Variants in TET1 observed in about 807,000 individuals in gnomAD.
The protein encoded by TET1 is tet methylcytosine dioxygenase 1.
Under a neutral mutation model 148.7 loss-of-function variants are expected in TET1, and 13 were observed. The ratio of observed to expected loss-of-function variants is 0.09; its 90% confidence interval spans 0.06 to 0.14. TET1 has a LOEUF of 0.14. TET1 is among the 10% of genes least tolerant of loss of function. The probability of loss-of-function intolerance (pLI) is 1.00; values close to 1 mark genes in which losing one functional copy is unlikely to be tolerated. For missense variants in TET1, 2,182 were observed against 2,553.8 expected, an observed-to-expected ratio of 0.85 and a Z score of 3.14; for synonymous variants, 907 against 937.2, an observed-to-expected ratio of 0.97 and a Z score of 0.59.
intron 3 of TET1, among the ~76,000 whole-genome samples, chr10:68,630,100 G>A (rs185517997): frequency 2.8e-4 from 43 of 152,254 alleles, no homozygotes; most frequent in African/African-American, 1.0e-3. Flanking sequence ...TTTGTTGAGT[G>A]AAGACAGTGA....
At chr10:68,634,298 T>C (rs1456864630) in intron 3 of TET1, among the ~76,000 whole-genome samples, 1 of 152,228 alleles carries the variant, frequency 6.6e-6, no homozygotes, top group Non-Finnish European at 1.5e-5. Flanking sequence ...TGGTAATATT[T>C]TGAAGAGCAA....
chr10:68,665,396 A>G (rs1228209107), intron 6 of TET1, among the ~76,000 whole-genome samples: 1 of 152,154 alleles, frequency 6.6e-6, no homozygotes, highest in Non-Finnish European at 1.5e-5. Context: ...TGTCTATTCC[A>G]TGAATTTATA....
At chr10:68,675,358 A>C (rs891387668) in intron 8 of TET1, among the ~76,000 whole-genome samples, 2 of 152,214 alleles carry the variant, frequency 1.3e-5, no homozygotes, top group African/African-American at 4.8e-5. Context: ...TATCAGAGCA[A>C]CATGAATTGT....
chr10:68,645,604 T>G lies in TET1; in HGVS notation c.2875T>G (p.Leu959Val), dbSNP rs757074739. 6.2e-7 allele frequency: 1 copy of G among 1,614,146 alleles called. No homozygotes were observed. The highest frequency in any genetic ancestry group is 8.5e-7 in the Non-Finnish European group (1 of 1,180,028). The change falls in exon 4 of 12, where the codon TTG becomes GTG. Residue 959 changes from leucine (L) to valine (V), a missense_variant. By Grantham distance (32) the Leu-to-Val change is conservative. Around this residue, in one of 11 missense-constraint regions of TET1, gnomAD observed 582 missense variants for 599.5 expected, o/e 0.97. Transcript: ENST00000373644. ...ACCAAAACTTAATCACTGTCCATCTTTGGAAAAACAAAGTTCATGCAACAC... is the reference window on the plus strand; with the variant it reads ...ACCAAAACTTAATCACTGTCCATCTGTGGAAAAACAAAGTTCATGCAACAC... ...EPPKLNHCPS[L>V]EKQSSCNTVV... is the part of the protein sequence containing the mutation.
rs1478235065 is a variant in TET1 at position 68,573,537 on chromosome 10, G to T, written c.1199G>T (p.Gly400Val). 1.2e-6 allele frequency: 2 copies of T among 1,614,048 alleles called. No homozygotes were observed. The highest frequency in any genetic ancestry group is 1.7e-6 in the Non-Finnish European group (2 of 1,180,034). ...GETPDLPEIP[G>V]AIPVQGEVFG... The stretch of plus-strand genomic sequence containing the variant: ...ACCCCAGATCTACCAGAGATTCCTG[G>T]TGCTATTCCAGTCCAAGGAGAGGTC... The change falls in exon 2 of 12, where the codon GGT (glycine) becomes GTT (valine). Residue 400 changes from glycine (G) to valine (V), a missense_variant. Around this residue, in one of 11 missense-constraint regions of TET1, gnomAD observed 665 missense variants for 672.4 expected, o/e 0.99. Transcript: ENST00000373644.
At position 68,573,105 on chromosome 10, in the gene TET1, C is replaced by T. The variant is rs12221107; in HGVS notation, c.767C>T (p.Ala256Val). Residue 256 changes from alanine to valine, a missense_variant, in exon 2 of 12, where the codon GCA becomes GTA. Ala to Val is a moderately conservative substitution (Grantham distance 64, BLOSUM62 0). Transcript: ENST00000373644. ...GTGTGTGCTCCTTTTCCCCAAAGAG[C>T]AACCCCCAAAGTTACCTCTCAAGGA... ...DTVCAPFPQR[A>V]TPKVTSQGNP... is the part of the protein sequence containing the mutation. 144,319 of 1,614,026 alleles carry T rather than the reference C, an allele frequency of 0.089. 8,289 individuals are homozygous for T. Among genetic ancestry groups the T allele is most frequent in the South Asian group, 0.19 (17,260 of 91,068 alleles).
rs74699579 is a variant in TET1, at chr10:68,692,550, A to G, written c.*736A>G. 93 of 232,444 alleles carry G rather than the reference A, an allele frequency of 4.0e-4. No individual in the cohort carries two copies. The highest frequency in any genetic ancestry group is 2.0e-3 in the African/African-American group (92 of 45,424). 14.4% of individuals were successfully genotyped at this position (232,444 alleles called of 1,614,324 possible). ...ATTTATCCTTGCTGTGTAGAGTTCC[A>G]TCTTGTTAACTGCAGTATGTATTCT... On this transcript the variant is annotated 3_prime_UTR_variant, in exon 12 of 12. Transcript: ENST00000373644.
rs186833670 is a variant in TET1, at chr10:68,642,425, C to G, written c.1969-2273C>G. Among the ~76,000 whole-genome samples, 510 of 151,414 alleles carry G rather than the reference C, an allele frequency of 3.4e-3. 2 individuals are homozygous for G. Among genetic ancestry groups the G allele is most frequent in the Non-Finnish European group, 5.0e-3 (336 of 67,866 alleles). ...CTCCAGCCTGGGGAACAGAGTGAGA[C>G]CTTGTCTCAAAAAAAAAAGAAAATA... On this transcript the variant is annotated intron_variant, in intron 3 of 11. Transcript: ENST00000373644.
intron 6 of TET1, among the ~76,000 whole-genome samples, chr10:68,656,958 G>A (rs577394005): frequency 4.0e-5 from 6 of 151,856 alleles, no homozygotes; most frequent in African/African-American, 1.2e-4. Flanking sequence ...CCCAGGAGGC[G>A]GAGGTTGCCG....
chr10:68,612,708 C>G (rs2054234278), intron 3 of TET1, among the ~76,000 whole-genome samples: 1 of 152,056 alleles, frequency 6.6e-6, no homozygotes. Context: ...AGCCTCACCT[C>G]TCAGGCTCAA....
chr10:68,664,693 T>A (rs868820913), intron 6 of TET1, among the ~76,000 whole-genome samples: 27 of 148,654 alleles, frequency 1.8e-4, no homozygotes, highest in Middle Eastern at 3.4e-3. Flanking sequence ...TTTTTTTTTT[T>A]ACTCTGTTGC....
chr10:68,613,938 C>CAA lies in TET1; in HGVS notation c.1968+12920_1968+12921dup, dbSNP rs56302094. 1.1e-3 allele frequency among the ~76,000 whole-genome samples: 136 copies of CAA among 118,694 alleles called. 1 individual carries two copies. The highest frequency in any genetic ancestry group is 1.8e-3 in the Non-Finnish European group (98 of 54,594). The allele number at this position is 118,694 out of a possible 152,430, so 77.9% of individuals were successfully genotyped here. On this transcript the variant is annotated intron_variant, in intron 3 of 11. Coordinates refer to ENST00000373644, the MANE Select transcript of TET1 (RefSeq NM_030625.3). ...GGAGGACAAGAGCGAGACTTCGTCT[C>CAA]AAAAAAAAAAAAAAAAATTGCTGTT...
At chr10:68,630,593 G>A (rs1318706564) in intron 3 of TET1, among the ~76,000 whole-genome samples, 1 of 152,202 alleles carries the variant, frequency 6.6e-6, no homozygotes, top group Non-Finnish European at 1.5e-5. Context: ...GGGATTACAG[G>A]CATCAGCCAC....
At chr10:68,663,146 C>G (rs1056201013) in intron 6 of TET1, among the ~76,000 whole-genome samples, 8 of 152,132 alleles carry the variant, frequency 5.3e-5, no homozygotes, top group African/African-American at 1.9e-4. Flanking sequence ...CCCTCTAATT[C>G]TTTAAAAACA....
At chr10:68,562,151 G>A (rs1180457126) in intron 1 of TET1, among the ~76,000 whole-genome samples, 1 of 152,190 alleles carries the variant, frequency 6.6e-6, no homozygotes, top group African/African-American at 2.4e-5. Context: ...CTGGAAGAGC[G>A]GCGCTGTATA....
intron 1 of TET1, among the ~76,000 whole-genome samples, chr10:68,561,007 C>A (rs966595499): frequency 3.9e-5 from 6 of 152,166 alleles, no homozygotes; most frequent in African/African-American, 1.2e-4. Context: ...CCCGCCACAG[C>A]GCCGGGTTGG....
intron 3 of TET1, among the ~76,000 whole-genome samples, chr10:68,642,708 GA>G (rs2054776894): frequency 6.6e-6 from 1 of 152,034 alleles, no homozygotes; most frequent in Non-Finnish European, 1.5e-5. Context: ...GGGTTCAAGC[GA>G]TTCTCCTGCC....
rs770934700 is a variant in TET1 at position 68,645,118 on chromosome 10, A to C, written c.2389A>C (p.Thr797Pro). The C allele has an allele frequency of 6.2e-7, 1 of 1,613,148 alleles. No homozygotes were observed. Among genetic ancestry groups the C allele is most frequent in the Non-Finnish European group, 8.5e-7 (1 of 1,179,480 alleles). The part of the protein sequence containing the change: ...ENNSYKFLKD[T>P]ANHKNAMSSV... ...CAATTCTTATAAATTCCTAAAAGAC[A>C]CTGCAAACCATAAAAACGCTATGAG... is the stretch of plus-strand genomic sequence containing the variant. Residue 797 changes from threonine (T) to proline (P), a missense_variant, in exon 4 of 12, where the codon ACT becomes CCT. Transcript: ENST00000373644.
At chr10:68,598,056 T>C (rs2054007875) in intron 2 of TET1, among the ~76,000 whole-genome samples, 1 of 152,166 alleles carries the variant, frequency 6.6e-6, no homozygotes, top group Admixed American at 6.6e-5. Flanking sequence ...GCATAGCAGT[T>C]GTGAATGTAC....
Sources: allele counts gnomAD v4.1 joint callset (sites outside exome capture counted in the v4.1 genomes callset), GRCh38; gene constraint gnomAD v4.1.1; regional missense constraint gnomAD v4.1.1; transcripts MANE v1.5; gene names NCBI Gene and HGNC (gene_info 2026-07-23, HGNC 2026-07-21).